The following DNAH12 variants were observed in gnomAD, a reference collection of about 807,000 sequenced individuals.
DNAH12 encodes the protein dynein axonemal heavy chain 12.
DNAH12 carries 285 observed loss-of-function variants against 371.5 expected under a neutral mutation model. That is an observed-to-expected ratio of 0.77 (90% CI 0.70 to 0.85). DNAH12 has a LOEUF of 0.85. DNAH12 is among the 40% of genes least tolerant of loss of function. The probability of loss-of-function intolerance (pLI) is 0.00; values close to 1 mark genes in which losing one functional copy is unlikely to be tolerated. For synonymous variants in DNAH12, 1,200 were observed against 1,213.0 expected, an observed-to-expected ratio of 0.99 and a Z score of 0.22; for missense variants, 3,611 against 3,689.4, an observed-to-expected ratio of 0.98 and a Z score of 0.55.
intron 55 of DNAH12, among the ~76,000 whole-genome samples, chr3:57,368,999 G>A (rs1279503435): frequency 2.0e-5 from 3 of 151,848 alleles, no homozygotes; most frequent in African/African-American, 7.3e-5. Context: ...CCGATGTCAG[G>A]AGTTCAAGAC....
intron 27 of DNAH12, among the ~76,000 whole-genome samples, chr3:57,445,751 G>A (rs1383933307): frequency 6.6e-6 from 1 of 152,048 alleles, no homozygotes; most frequent in Non-Finnish European, 1.5e-5. Flanking sequence ...CACTTTGGGA[G>A]GCTGAGGCGG....
chr3:57,402,323 A>AT, intron 43 of DNAH12: 2 of 1,127,782 alleles, frequency 1.8e-6, no homozygotes, highest in Non-Finnish European at 2.3e-6. Flanking sequence ...TTTTTTTTCC[A>AT]CTTTGTATCA....
At chr3:57,316,839 A>C (rs867548452) in intron 65 of DNAH12, among the ~76,000 whole-genome samples, 8 of 152,156 alleles carry the variant, frequency 5.3e-5, no homozygotes, top group Admixed American at 2.6e-4. Flanking sequence ...CATGATTGTA[A>C]GTTTCCCGAG....
chr3:57,474,547 C>T (rs567631865), intron 13 of DNAH12, among the ~76,000 whole-genome samples: 5 of 152,286 alleles, frequency 3.3e-5, no homozygotes, highest in African/African-American at 1.2e-4. Flanking sequence ...CCACCCACGT[C>T]GGCCTCCCAC....
chr3:57,315,141 A>G (rs967668407), intron 65 of DNAH12, among the ~76,000 whole-genome samples: 12 of 152,090 alleles, frequency 7.9e-5, no homozygotes, highest in Admixed American at 5.2e-4. Flanking sequence ...TGCATGTCAC[A>G]TGGGCTTCTC....
chr3:57,338,130 G>A (rs1402112149), intron 60 of DNAH12, among the ~76,000 whole-genome samples: 9 of 152,074 alleles, frequency 5.9e-5, no homozygotes, highest in Non-Finnish European at 8.8e-5. Context: ...CTCCTGCCTC[G>A]GCCTGCCGAG....
rs1046944313 is a variant in DNAH12 at position 57,419,892 on chromosome 3, A to G, written c.5563-374T>C. Among the ~76,000 whole-genome samples the G allele has an allele frequency of 2.0e-5, 3 of 152,248 alleles. No homozygotes were observed. The East Asian group carries it at 5.8e-4, about 29-fold the overall frequency. On this transcript the variant is annotated intron_variant, in intron 36 of 73. Coordinates refer to ENST00000495027, the MANE Select transcript of DNAH12 (RefSeq NM_001366028.2). ...GCCTTCAAGATGTCCTTTTGCATAC[A>G]TTGAGTATTTATTTGAAAGCCACTC...
intron 12 of DNAH12, among the ~76,000 whole-genome samples, chr3:57,485,992 G>C (rs1175934748): frequency 6.6e-6 from 1 of 151,724 alleles, no homozygotes; most frequent in Non-Finnish European, 1.5e-5. Flanking sequence ...GGTCCAGGAG[G>C]GTAGATCACT....
chr3:57,344,446 T>C (rs1416655863), intron 60 of DNAH12, among the ~76,000 whole-genome samples: 2 of 152,198 alleles, frequency 1.3e-5, no homozygotes, highest in African/African-American at 2.4e-5. Context: ...CAGGCCTTTA[T>C]CTAAAGGGAA....
chr3:57,371,031 T>C (rs2063158987), intron 55 of DNAH12, among the ~76,000 whole-genome samples: 1 of 152,182 alleles, frequency 6.6e-6, no homozygotes, highest in Non-Finnish European at 1.5e-5. Flanking sequence ...AATGTGAATG[T>C]GTAGCTGTGG....
chr3:57,294,016 C>T lies in DNAH12; in HGVS notation c.11693-45G>A, dbSNP rs542260128. On this transcript the variant is annotated intron_variant, in intron 73 of 73. Transcript: ENST00000495027. ...TATATTCACTTGATAAAGGGAAAAA[C>T]AGCCATTGGTACGAAAAGAACTATT... 7.2e-6 allele frequency: 10 copies of T among 1,392,296 alleles called. 1 individual carries two copies. The South Asian group carries it at 1.3e-4, about 19-fold the overall frequency. The allele number at this position is 1,392,296 out of a possible 1,614,324, so 86.2% of individuals were successfully genotyped here. A position where few individuals can be genotyped will look rare whatever the true frequency, so the allele number is the denominator to read the frequency against.
In DNAH12 at chr3:57,526,472, C is replaced by G. The variant is rs528335367; in HGVS notation, c.171-2588G>C. 2.8e-4 allele frequency among the ~76,000 whole-genome samples: 42 copies of G among 149,872 alleles called. 1 individual carries two copies. In the East Asian group the frequency reaches 7.0e-3, roughly 25 times the overall value. ...GTAAAGAAACAAAAGAATGGCTACT[C>G]CATAGACAGAGCAGCCCATTCATCT... is the stretch of plus-strand genomic sequence containing the variant. On this transcript the variant is annotated intron_variant, in intron 2 of 73. Transcript: ENST00000495027.
chr3:57,412,366 A>G (rs1450917750), intron 39 of DNAH12, among the ~76,000 whole-genome samples: 2 of 152,224 alleles, frequency 1.3e-5, no homozygotes, highest in Non-Finnish European at 1.5e-5. Flanking sequence ...GGAGATAGCA[A>G]AGGAGTAAAC....
chr3:57,479,182 A>T (rs1249062706), intron 13 of DNAH12, among the ~76,000 whole-genome samples: 2 of 152,102 alleles, frequency 1.3e-5, no homozygotes, highest in Non-Finnish European at 2.9e-5. Flanking sequence ...AACCCATCTC[A>T]CGTGCAGAGA....
At chr3:57,492,287 C>T (rs1254961990) in intron 11 of DNAH12, among the ~76,000 whole-genome samples, 3 of 152,006 alleles carry the variant, frequency 2.0e-5, no homozygotes, top group East Asian at 1.9e-4. Context: ...ATGGAGCAAC[C>T]GTGTCTCTAC....
chr3:57,458,025 CAA>C, intron 21 of DNAH12, 22 bp from the exon 22 acceptor site: 5 of 1,541,560 alleles, frequency 3.2e-6, no homozygotes, highest in Non-Finnish European at 4.4e-6. Flanking sequence ...CATGCAAATA[CAA>C]AAGTTTTAGT....
chr3:57,355,076 T>C (rs1277973864), intron 59 of DNAH12, among the ~76,000 whole-genome samples: 3 of 152,190 alleles, frequency 2.0e-5, no homozygotes, highest in African/African-American at 4.8e-5. Context: ...GTTATTATCA[T>C]GGTTGTGATA....
intron 2 of DNAH12, among the ~76,000 whole-genome samples, chr3:57,525,758 T>TTTC (rs2068626035): frequency 8.9e-6 from 1 of 112,506 alleles, no homozygotes; most frequent in Non-Finnish European, 1.8e-5. Context: ...GTCTTATTCT[T>TTTC]TTTTTTTTTT....
intron 25 of DNAH12, among the ~76,000 whole-genome samples, chr3:57,449,610 G>A (rs1042470108): frequency 6.6e-6 from 1 of 152,216 alleles, no homozygotes; most frequent in African/African-American, 2.4e-5. Flanking sequence ...CTCATTGCCC[G>A]GGGCCGGCAG....
Sources: allele counts gnomAD v4.1 joint callset (sites outside exome capture counted in the v4.1 genomes callset), GRCh38; gene constraint gnomAD v4.1.1; transcripts MANE v1.5; gene names NCBI Gene and HGNC (gene_info 2026-07-23, HGNC 2026-07-21).